TIMMDC1: variants seen among roughly 807,000 people sequenced by gnomAD.
TIMMDC1 encodes the protein translocase of inner mitochondrial membrane domain containing 1, also known as complex I assembly factor TIMMDC1, mitochondrial.
TIMMDC1 carries 25 observed loss-of-function variants against 32.6 expected under a neutral mutation model. That is an observed-to-expected ratio of 0.77 (90% CI 0.56 to 1.07). The LOEUF (loss-of-function observed/expected upper bound fraction) is 1.07. TIMMDC1 is among the 50% of genes least tolerant of loss of function. TIMMDC1 has a pLI of 0.00. For missense variants in TIMMDC1, 329 were observed against 349.2 expected, an observed-to-expected ratio of 0.94 and a Z score of 0.46; for synonymous variants, 130 against 127.6, an observed-to-expected ratio of 1.02 and a Z score of -0.13.
intron 2 of TIMMDC1, among the ~76,000 whole-genome samples, chr3:119,502,168 A>G (rs1322073672): frequency 1.3e-5 from 2 of 152,148 alleles, no homozygotes; most frequent in Non-Finnish European, 1.5e-5. Flanking sequence ...TATTTCTACT[A>G]TCTAAAAACT....
At chr3:119,505,204 T>C (rs1028680232) in intron 4 of TIMMDC1, among the ~76,000 whole-genome samples, 3 of 152,222 alleles carry the variant, frequency 2.0e-5, no homozygotes, top group African/African-American at 7.2e-5. Context: ...AAACATGTTA[T>C]ACACCATATG....
At chr3:119,523,487 C>T in intron 6 of TIMMDC1, 119 bp from the exon 7 acceptor site, 1 of 980,212 alleles carries the variant, frequency 1.0e-6, no homozygotes. Context: ...GCAGTATTTG[C>T]TTCTAAATTG....
chr3:119,498,668 C>A lies in TIMMDC1; in HGVS notation c.-66C>A. The A allele has an allele frequency of 6.6e-7, 1 of 1,524,442 alleles. No individual in the cohort carries two copies. Among genetic ancestry groups the A allele is most frequent in the Non-Finnish European group, 9.0e-7 (1 of 1,108,838 alleles). The allele number at this position is 1,524,442 out of a possible 1,614,324, so 94.4% of individuals were successfully genotyped here. On this transcript the variant is annotated 5_prime_UTR_variant, in exon 1 of 7. Coordinates refer to ENST00000494664, the MANE Select transcript of TIMMDC1 (RefSeq NM_016589.4). ...CTCACCTCGTACAGTTACGCTCTCC[C>A]GCGGCACGTCCGCGAGGACTTGAAG...
chr3:119,511,395 T>A (rs2081951267), intron 4 of TIMMDC1, among the ~76,000 whole-genome samples: 1 of 151,816 alleles, frequency 6.6e-6, no homozygotes. Flanking sequence ...GAGAATAGCT[T>A]GAACCCGGGA....
intron 6 of TIMMDC1, among the ~76,000 whole-genome samples, chr3:119,523,031 T>C (rs1260317211): frequency 1.3e-5 from 2 of 152,216 alleles, no homozygotes; most frequent in Non-Finnish European, 2.9e-5. Context: ...GAAGAAACTT[T>C]AATCCCGATA....
intron 1 of TIMMDC1, among the ~76,000 whole-genome samples, chr3:119,499,824 G>A (rs1039540574): frequency 1.1e-4 from 16 of 152,332 alleles, no homozygotes; most frequent in Middle Eastern, 3.4e-3. Context: ...AGCAGTTCTA[G>A]CTTCTTATGC....
chr3:119,510,709 T>C (rs1262916183), intron 4 of TIMMDC1, among the ~76,000 whole-genome samples: 2 of 152,200 alleles, frequency 1.3e-5, no homozygotes, highest in Non-Finnish European at 2.9e-5. Context: ...ATTAACTATT[T>C]GGAAAGAAAT....
At position 119,524,465 on chromosome 3, in the gene TIMMDC1, G is replaced by A. The variant is rs1176250167; in HGVS notation, c.*709G>A. The A allele has an allele frequency of 1.3e-5, 2 of 152,142 alleles. No homozygotes were observed. The highest frequency in any genetic ancestry group is 2.9e-5 in the Non-Finnish European group (2 of 68,026). 9.4% of individuals were successfully genotyped at this position (152,142 alleles called of 1,614,324 possible). ...CCTGTCAATACGGGAAACACTGCTA[G>A]TACCTTATGTTGGTGTTAGACCTCT... On this transcript the variant is annotated 3_prime_UTR_variant, in exon 7 of 7. Transcript: ENST00000494664.
chr3:119,502,596 C>T (rs1242213179), intron 2 of TIMMDC1, among the ~76,000 whole-genome samples: 2 of 151,770 alleles, frequency 1.3e-5, no homozygotes, highest in Non-Finnish European at 1.5e-5. Context: ...CTTCCTGCCT[C>T]AGTGCAGGCT....
intron 4 of TIMMDC1, among the ~76,000 whole-genome samples, chr3:119,509,911 C>T (rs934458065): frequency 2.0e-5 from 3 of 149,936 alleles, no homozygotes; most frequent in Admixed American, 6.6e-5. Flanking sequence ...GTCTCAATCT[C>T]CTGACCTCGT....
chr3:119,523,123 A>C (rs1395099239), intron 6 of TIMMDC1, among the ~76,000 whole-genome samples: 1 of 152,236 alleles, frequency 6.6e-6, no homozygotes, highest in Non-Finnish European at 1.5e-5. Context: ...CTCTTCATAA[A>C]TATAAATCTA....
Position 119,523,911 on chromosome 3 carries a change from T to C in TIMMDC1, c.*155T>C, listed in dbSNP as rs2082047846. 1 of 620,304 alleles carries C rather than the reference T, an allele frequency of 1.6e-6. No individual in the cohort carries two copies. Among genetic ancestry groups the C allele is most frequent in the South Asian group, 3.2e-5 (1 of 31,080 alleles). 38.4% of individuals were successfully genotyped at this position (620,304 alleles called of 1,614,324 possible). On this transcript the variant is annotated 3_prime_UTR_variant, in exon 7 of 7. Transcript: ENST00000494664. ...CTTGCTCTTGTCTTTTTCTTTTCTT[T>C]TTAACTAAGAATGGGGCTGTTGTAC... is the stretch of plus-strand genomic sequence containing the variant.
Position 119,524,786 on chromosome 3 carries a change from T to C in TIMMDC1, c.*1030T>C, listed in dbSNP as rs970344649. 1.3e-5 allele frequency: 2 copies of C among 152,248 alleles called. No individual in the cohort carries two copies. The highest frequency in any genetic ancestry group is 4.8e-5 in the African/African-American group (2 of 41,460). The allele number at this position is 152,248 out of a possible 1,614,324, so 9.4% of individuals were successfully genotyped here. Reference sequence around the variant, plus strand: ...CATGAACAGCAGTTGGCTATGTCTTTCCAGTTCTCTGCTGATGTCAGAAAG... The same window carrying C: ...CATGAACAGCAGTTGGCTATGTCTTCCCAGTTCTCTGCTGATGTCAGAAAG... On this transcript the variant is annotated 3_prime_UTR_variant, in exon 7 of 7. Transcript: ENST00000494664.
intron 6 of TIMMDC1, among the ~76,000 whole-genome samples, chr3:119,522,358 C>A (rs1049631054): frequency 6.6e-6 from 1 of 151,904 alleles, no homozygotes; most frequent in African/African-American, 2.4e-5. Flanking sequence ...AAAATGGGCT[C>A]ATAGAAGTAA....
At chr3:119,513,384 G>T (rs1407980016) in intron 4 of TIMMDC1, among the ~76,000 whole-genome samples, 1 of 152,192 alleles carries the variant, frequency 6.6e-6, no homozygotes, top group Non-Finnish European at 1.5e-5. Flanking sequence ...GGGCAAAAAT[G>T]AAGCAGAATG....
intron 5 of TIMMDC1, 117 bp downstream of exon 5, chr3:119,513,836 C>T: frequency 1.6e-6 from 1 of 643,912 alleles, no homozygotes; most frequent in Non-Finnish European, 2.6e-6. Context: ...TATAAAAGAT[C>T]TCTAGTCTTG....
At chr3:119,506,041 G>C in intron 4 of TIMMDC1, among the ~76,000 whole-genome samples, 1 of 152,116 alleles carries the variant, frequency 6.6e-6, no homozygotes, top group Non-Finnish European at 1.5e-5. Context: ...TATCTTAGTT[G>C]TTTTTCCTGA....
chr3:119,522,152 C>T (rs189871838), intron 6 of TIMMDC1, among the ~76,000 whole-genome samples: 19 of 152,248 alleles, frequency 1.2e-4, no homozygotes, highest in East Asian at 9.6e-4. Context: ...ATGGAATCAA[C>T]GTCAGTGTCC....
At chr3:119,500,096 C>A (rs1475990065) in intron 1 of TIMMDC1, among the ~76,000 whole-genome samples, 1 of 152,132 alleles carries the variant, frequency 6.6e-6, no homozygotes, top group Non-Finnish European at 1.5e-5. Flanking sequence ...ACAGTCCTAT[C>A]TGAGTATTTC....
Sources: gnomAD v4.1 joint callset for allele counts (sites outside exome capture counted in the v4.1 genomes callset) on GRCh38, gnomAD v4.1.1 for gene constraint, MANE v1.5 for transcripts, NCBI Gene and HGNC (gene_info 2026-07-23, HGNC 2026-07-21) for gene names.